FCHSD2: variants seen among roughly 807,000 people sequenced by gnomAD.
The protein encoded by FCHSD2 is FCH and double SH3 domains 2, also known as F-BAR and double SH3 domains protein 2.
In FCHSD2, 38 loss-of-function variants were observed where a neutral mutation model predicts 108.1. That is an observed-to-expected ratio of 0.35 (90% confidence interval 0.27 to 0.46). FCHSD2 has a LOEUF of 0.46. Among genes scored for constraint, FCHSD2 ranks in the 20% least tolerant of loss-of-function variants. The pLI, the probability that FCHSD2 is intolerant of heterozygous loss-of-function variation, is 1.00. For missense variants in FCHSD2, 751 were observed against 897.8 expected (o/e 0.84, Z 2.09); for synonymous variants, 279 against 314.7 (o/e 0.89, Z 1.20).
chr11:72,945,248 A>G (rs1432092599), intron 8 of FCHSD2, among the ~76,000 whole-genome samples: 1 of 152,222 alleles, frequency 6.6e-6, no homozygotes, highest in African/African-American at 2.4e-5. Context: ...AATGCCGCAT[A>G]TCTACAACTA....
intron 13 of FCHSD2, among the ~76,000 whole-genome samples, chr11:72,865,690 C>A (rs1172008019): frequency 6.6e-6 from 1 of 151,258 alleles, no homozygotes; most frequent in Non-Finnish European, 1.5e-5. Context: ...ATTCTTCTAG[C>A]TGATATTGAG....
chr11:72,939,889 A>T (rs1273659598), intron 8 of FCHSD2, among the ~76,000 whole-genome samples: 1 of 151,892 alleles, frequency 6.6e-6, no homozygotes, highest in Non-Finnish European at 1.5e-5. Flanking sequence ...AAGTGTTGGG[A>T]TTACAGGCAT....
At chr11:72,988,820 CCT>C in intron 6 of FCHSD2, 142 bp downstream of exon 6, 1 of 503,118 alleles carries the variant, frequency 2.0e-6, no homozygotes, top group Non-Finnish European at 3.3e-6. Context: ...AAAAATGTGA[CCT>C]AAAGTATATA....
chr11:72,999,888 A>AACAC (rs922523491), intron 5 of FCHSD2, among the ~76,000 whole-genome samples: 2 of 102,806 alleles, frequency 1.9e-5, no homozygotes, highest in African/African-American at 3.5e-5. Context: ...CACACACACA[A>AACAC]ACACACACAC....
At chr11:72,975,432 A>G (rs1857086646) in intron 8 of FCHSD2, among the ~76,000 whole-genome samples, 1 of 152,188 alleles carries the variant, frequency 6.6e-6, no homozygotes. Flanking sequence ...AATACATTCT[A>G]CTGTTTAATA....
chr11:72,870,160 A>C (rs992307206), intron 12 of FCHSD2, among the ~76,000 whole-genome samples: 4 of 151,990 alleles, frequency 2.6e-5, no homozygotes, highest in African/African-American at 9.7e-5. Flanking sequence ...TTCAAATATT[A>C]CCCTTTCCAC....
chr11:72,911,138 C>A (rs1591391301), intron 9 of FCHSD2, among the ~76,000 whole-genome samples: 1 of 152,102 alleles, frequency 6.6e-6, no homozygotes, highest in African/African-American at 2.4e-5. Flanking sequence ...AGATTTAAGT[C>A]TTTAATCCAT....
chr11:73,051,668 G>A lies in FCHSD2; in HGVS notation c.165+32027C>T, dbSNP rs189604263. The stretch of plus-strand genomic sequence containing the variant: ...ATGGGTTATCTGCAGAGATGTACTG[G>A]CTATGCAACAATAAAACCCTCAAAA... On this transcript the variant is annotated intron_variant, in intron 3 of 19. Transcript: ENST00000409418. Among the ~76,000 whole-genome samples the A allele has an allele frequency of 9.9e-5, 15 of 152,166 alleles. No homozygotes were observed. The East Asian group carries it at 2.9e-3, about 29-fold the overall frequency.
intron 3 of FCHSD2, among the ~76,000 whole-genome samples, chr11:73,059,431 AG>A (rs1054261937): frequency 2.4e-4 from 37 of 152,356 alleles, no homozygotes; most frequent in African/African-American, 8.9e-4. Context: ...GATAAGTGTT[AG>A]CCATCAGACT....
chr11:73,097,336 T>G (rs1860110679), intron 2 of FCHSD2, among the ~76,000 whole-genome samples: 1 of 151,660 alleles, frequency 6.6e-6, no homozygotes, highest in African/African-American at 2.4e-5. Flanking sequence ...TGATTTGCTG[T>G]TGGATTCAGT....
chr11:72,916,300 CTTTTTTTTTTTTTTTT>C (rs889180267), intron 9 of FCHSD2, among the ~76,000 whole-genome samples: 1 of 120,250 alleles, frequency 8.3e-6, no homozygotes, highest in Admixed American at 8.5e-5. Context: ...TGGTACACAA[CTTTTTTTTTTTTTTTT>C]TTTTTTTTAA....
chr11:72,893,468 T>TCA (rs1565309578), intron 10 of FCHSD2, among the ~76,000 whole-genome samples: 1 of 152,012 alleles, frequency 6.6e-6, no homozygotes, highest in Admixed American at 6.6e-5. Context: ...GCATATGCCA[T>TCA]CACACGCAGA....
intron 8 of FCHSD2, among the ~76,000 whole-genome samples, chr11:72,976,595 G>T (rs1158540162): frequency 6.6e-6 from 1 of 152,028 alleles, no homozygotes; most frequent in Non-Finnish European, 1.5e-5. Flanking sequence ...TTATTCTTCA[G>T]AATAATTAGG....
At chr11:72,947,401 G>A (rs1273177096) in intron 8 of FCHSD2, among the ~76,000 whole-genome samples, 1 of 152,186 alleles carries the variant, frequency 6.6e-6, no homozygotes, top group East Asian at 1.9e-4. Context: ...CTCCCATGTA[G>A]TGTCCCCTCT....
At chr11:73,079,717 G>T (rs1028752920) in intron 3 of FCHSD2, among the ~76,000 whole-genome samples, 2 of 152,184 alleles carry the variant, frequency 1.3e-5, no homozygotes, top group African/African-American at 4.8e-5. Flanking sequence ...TATATACTCA[G>T]AAAATAAGTT....
Position 73,083,689 on chromosome 11 carries a change from G to T in FCHSD2, c.165+6C>A. The T allele has an allele frequency of 6.5e-7, 1 of 1,539,888 alleles. No homozygotes were observed. Among genetic ancestry groups the T allele is most frequent in the Non-Finnish European group, 8.8e-7 (1 of 1,136,178 alleles). On this transcript the variant is annotated splice_donor_region_variant and intron_variant, in intron 3 of 19. Coordinates refer to ENST00000409418, the MANE Select transcript of FCHSD2 (RefSeq NM_014824.3). ...CCTAGAATGGGACCTCCAATTTCAA[G>T]CTTACCTGTGCATACTCTCTTTCAA...
At chr11:73,092,598 T>G (rs956231954) in intron 2 of FCHSD2, among the ~76,000 whole-genome samples, 1 of 152,180 alleles carries the variant, frequency 6.6e-6, no homozygotes, top group African/African-American at 2.4e-5. Context: ...GTTTGCTGAA[T>G]GAATGACTGA....
intron 3 of FCHSD2, among the ~76,000 whole-genome samples, chr11:73,071,967 T>A (rs1051466820): frequency 1.3e-5 from 2 of 151,920 alleles, no homozygotes; most frequent in South Asian, 4.2e-4. Flanking sequence ...TATAGAGAGG[T>A]TAAGACAGAG....
At chr11:73,048,635 G>A (rs548009223) in intron 3 of FCHSD2, among the ~76,000 whole-genome samples, 17 of 152,104 alleles carry the variant, frequency 1.1e-4, no homozygotes, top group Admixed American at 9.8e-4. Context: ...AGTAAGTGCC[G>A]GAAGTACGAA....
Sources: gnomAD v4.1 joint callset for allele counts (sites outside exome capture counted in the v4.1 genomes callset) on GRCh38, gnomAD v4.1.1 for gene constraint, MANE v1.5 for transcripts, NCBI Gene and HGNC (gene_info 2026-07-23, HGNC 2026-07-21) for gene names.